Variants in ITGA4 observed in about 807,000 individuals in gnomAD.
The protein encoded by ITGA4 is integrin alpha-4.
Under a neutral mutation model 133.6 loss-of-function variants are expected in ITGA4, and 63 were observed. That is an observed-to-expected ratio of 0.47 (90% CI 0.38 to 0.58). The LOEUF is 0.58. ITGA4 is among the 20% of genes least tolerant of loss of function. The pLI, the probability that ITGA4 is intolerant of heterozygous loss-of-function variation, is 0.00. For synonymous variants in ITGA4, 483 were observed against 438.0 expected, an observed-to-expected ratio of 1.10 and a Z score of -1.28; for missense variants, 1,076 against 1,252.7, an observed-to-expected ratio of 0.86 and a Z score of 2.13.
At chr2:181,530,458 A>G (rs1447523533) in intron 23 of ITGA4, 66 bp from the exon 24 acceptor site, 1 of 1,466,342 alleles carries the variant, frequency 6.8e-7, no homozygotes, top group African/African-American at 1.4e-5. Flanking sequence ...TTTTAAAACC[A>G]GGTTGCTTTT....
intron 14 of ITGA4, among the ~76,000 whole-genome samples, chr2:181,497,490 C>T (rs1686179453): frequency 2.0e-5 from 3 of 151,968 alleles, no homozygotes; most frequent in African/African-American, 7.2e-5. Context: ...AATTGCAGTG[C>T]TATTTCTCTG....
At position 181,534,792 on chromosome 2, in the gene ITGA4, TTTTATTTTTC is replaced by T; in HGVS notation, c.2884-21_2884-12del. On this transcript the variant is annotated splice_polypyrimidine_tract_variant and intron_variant, in intron 26 of 27. Coordinates refer to ENST00000397033, the MANE Select transcript of ITGA4 (RefSeq NM_000885.6). The stretch of plus-strand genomic sequence containing the variant: ...CTGATTTTTTTTTTTGGTTTTTGAG[TTTTATTTTTC>T]TTAACTCACGTAGGTTCTACTGGAA... 6.4e-7 allele frequency: 1 copy of T among 1,566,084 alleles called. No homozygotes were observed. The highest frequency in any genetic ancestry group is 8.6e-7 in the Non-Finnish European group (1 of 1,162,564).
At chr2:181,519,635 C>T (rs1355439412) in intron 17 of ITGA4, among the ~76,000 whole-genome samples, 2 of 152,040 alleles carry the variant, frequency 1.3e-5, no homozygotes, top group Non-Finnish European at 2.9e-5. Flanking sequence ...TTGGATTTTG[C>T]CATGGTCATA....
At position 181,529,573 on chromosome 2, in the gene ITGA4, T is replaced by A. The variant is rs749075855; in HGVS notation, c.2463T>A (p.Asn821Lys). 1 of 1,609,570 alleles carries A rather than the reference T, an allele frequency of 6.2e-7. No individual in the cohort carries two copies. The highest frequency in any genetic ancestry group is 1.7e-5 in the Admixed American group (1 of 59,992). ...ACACTGGCAATAGTATGGCTCCCAA[T>A]GTTAGTGTGGAAATAATGGTACCAA... ...VINTGNSMAP[N>K]VSVEIMVPNS... The change falls in exon 23 of 28, where the codon AAT becomes AAA. Residue 821 changes from asparagine (N) to lysine (K), a missense_variant. By Grantham distance (94) the Asn-to-Lys change is moderately conservative (BLOSUM62 0). Around this residue, in one of 4 missense-constraint regions of ITGA4, gnomAD observed 365 missense variants for 421.4 expected, o/e 0.87. Coordinates refer to ENST00000397033, the MANE Select transcript of ITGA4 (RefSeq NM_000885.6).
At chr2:181,486,796 T>C (rs1283560655) in intron 10 of ITGA4, among the ~76,000 whole-genome samples, 1 of 151,926 alleles carries the variant, frequency 6.6e-6, no homozygotes, top group Non-Finnish European at 1.5e-5. Flanking sequence ...TTTCATGGAG[T>C]TCAGCACATA....
At chr2:181,489,416 G>A (rs900904808) in intron 10 of ITGA4, among the ~76,000 whole-genome samples, 3 of 152,002 alleles carry the variant, frequency 2.0e-5, no homozygotes, top group Non-Finnish European at 2.9e-5. Context: ...ACAGACTAAT[G>A]TACCTGACAT....
intron 15 of ITGA4, among the ~76,000 whole-genome samples, chr2:181,509,199 A>G (rs1333844723): frequency 6.1e-5 from 9 of 148,126 alleles, no homozygotes; most frequent in Admixed American, 6.1e-4. Context: ...AGGATGTTTT[A>G]TAATAAATCT....
At chr2:181,505,649 A>G (rs1041114138) in intron 15 of ITGA4, among the ~76,000 whole-genome samples, 7 of 152,134 alleles carry the variant, frequency 4.6e-5, no homozygotes, top group Non-Finnish European at 8.8e-5. Flanking sequence ...TTAAAGTTAA[A>G]TAAGTGTGAA....
intron 17 of ITGA4, among the ~76,000 whole-genome samples, chr2:181,518,445 T>G (rs541116826): frequency 1.2e-4 from 18 of 152,242 alleles, no homozygotes; most frequent in African/African-American, 3.8e-4. Context: ...AACTGCATCC[T>G]ATGCCATCTG....
At chr2:181,492,217 T>C (rs763771875) in intron 10 of ITGA4, among the ~76,000 whole-genome samples, 1 of 152,246 alleles carries the variant, frequency 6.6e-6, no homozygotes, top group Non-Finnish European at 1.5e-5. Context: ...TTGAAAAACT[T>C]TGTACAAGTC....
At chr2:181,477,640 A>G (rs1220028356) in intron 4 of ITGA4, among the ~76,000 whole-genome samples, 2 of 152,144 alleles carry the variant, frequency 1.3e-5, no homozygotes, top group Non-Finnish European at 2.9e-5. Context: ...ACAAACCACT[A>G]TGAAATATCA....
rs751760264 is a variant in ITGA4 at position 181,474,950 on chromosome 2, C to T, written c.320-10C>T. ...AATACAACTGATAAAATTATTTTCA[C>T]ATGCTATAGGTAGCCCTAATGGAGA... is the stretch of plus-strand genomic sequence containing the variant. On this transcript the variant is annotated splice_polypyrimidine_tract_variant and intron_variant, in intron 2 of 27. Coordinates refer to ENST00000397033, the MANE Select transcript of ITGA4 (RefSeq NM_000885.6). The T allele has an allele frequency of 7.5e-6, 12 of 1,593,618 alleles. No homozygotes were observed. Among genetic ancestry groups the T allele is most frequent in the East Asian group, 6.7e-5 (3 of 44,746 alleles).
rs1687305870 is a variant in ITGA4 at position 181,538,365 on chromosome 2, G to A, written c.*2838G>A. 2 of 636,336 alleles carry A rather than the reference G, an allele frequency of 3.1e-6. No individual in the cohort carries two copies. Among genetic ancestry groups the A allele is most frequent in the Non-Finnish European group, 5.7e-6 (2 of 350,116 alleles). 39.4% of individuals were successfully genotyped at this position (636,336 alleles called of 1,614,324 possible). On this transcript the variant is annotated 3_prime_UTR_variant, in exon 28 of 28. Transcript: ENST00000397033. Reference sequence around the variant, plus strand: ...GATAACAAACACAGCATTCCCAACAGAGCTGTAATCTAGAAAACTGAGAAG... The same window carrying A: ...GATAACAAACACAGCATTCCCAACAAAGCTGTAATCTAGAAAACTGAGAAG...
rs1354609779 is a variant in ITGA4 at position 181,531,885 on chromosome 2, A to G, written c.2784+109A>G. Reference sequence around the variant, plus strand: ...AAGGCATTCAACAAATTAAATTTTAAATAAAATTTTGGAGTAAAACTCTAA... The same window carrying G: ...AAGGCATTCAACAAATTAAATTTTAGATAAAATTTTGGAGTAAAACTCTAA... On this transcript the variant is annotated intron_variant, in intron 25 of 27. Coordinates refer to ENST00000397033, the MANE Select transcript of ITGA4 (RefSeq NM_000885.6). 5.3e-6 allele frequency: 4 copies of G among 747,778 alleles called. No individual in the cohort carries two copies. In the Admixed American group the frequency reaches 8.7e-5, roughly 16 times the overall value. 46.3% of individuals were successfully genotyped at this position (747,778 alleles called of 1,614,324 possible). A position where few individuals can be genotyped will look rare whatever the true frequency, so the allele number is the denominator to read the frequency against.
Position 181,536,795 on chromosome 2 carries a change from C to CAA in ITGA4, c.*1268_*1269insAA. On this transcript the variant is annotated 3_prime_UTR_variant, in exon 28 of 28. Transcript: ENST00000397033. ...TCATTTTTGTAATATTTATTTTATG[C>CAA]TTATGATCTAGATAATTGCAGAATA... is the stretch of plus-strand genomic sequence containing the variant. 3.8e-6 allele frequency: 1 copy of CAA among 261,208 alleles called. No homozygotes were observed. Among genetic ancestry groups the CAA allele is most frequent in the East Asian group, 9.9e-5 (1 of 10,074 alleles). The allele number at this position is 261,208 out of a possible 1,614,324, so 16.2% of individuals were successfully genotyped here.
intron 2 of ITGA4, among the ~76,000 whole-genome samples, chr2:181,464,581 T>A (rs1685368450): frequency 6.6e-6 from 1 of 151,836 alleles, no homozygotes; most frequent in Non-Finnish European, 1.5e-5. Context: ...CCTGGAGGAG[T>A]GAAATCTGAG....
chr2:181,496,831 A>G (rs2105746295), intron 14 of ITGA4, among the ~76,000 whole-genome samples: 1 of 152,282 alleles, frequency 6.6e-6, no homozygotes, highest in East Asian at 1.9e-4. Flanking sequence ...ACCTGTCAAG[A>G]GTTTATTGTA....
chr2:181,473,312 C>A (rs1011244673), intron 2 of ITGA4, among the ~76,000 whole-genome samples: 1 of 152,204 alleles, frequency 6.6e-6, no homozygotes, highest in African/African-American at 2.4e-5. Flanking sequence ...ACGAACTGCA[C>A]AGCCGTGGGA....
Position 181,531,784 on chromosome 2 carries a change from A to C in ITGA4, c.2784+8A>C, listed in dbSNP as rs1686950150. On this transcript the variant is annotated splice_region_variant and intron_variant, in intron 25 of 27. Coordinates refer to ENST00000397033, the MANE Select transcript of ITGA4 (RefSeq NM_000885.6). Reference sequence around the variant, plus strand: ...CCATCCATTTTAGAAATGGTAAGTAAGTCTAAAACATTGACAACTTGGTGG... The same window carrying C: ...CCATCCATTTTAGAAATGGTAAGTACGTCTAAAACATTGACAACTTGGTGG... 6.3e-7 allele frequency: 1 copy of C among 1,589,496 alleles called. No homozygotes were observed. The highest frequency in any genetic ancestry group is 8.5e-7 in the Non-Finnish European group (1 of 1,170,140).
Sources: gnomAD v4.1 joint callset for allele counts (sites outside exome capture counted in the v4.1 genomes callset) on GRCh38, gnomAD v4.1.1 for gene constraint, gnomAD v4.1.1 regional missense constraint, MANE v1.5 for transcripts, NCBI Gene and HGNC (gene_info 2026-07-23, HGNC 2026-07-21) for gene names.